Variants in MLC1 observed in about 807,000 individuals in gnomAD.
MLC1 encodes the protein membrane protein MLC1.
In MLC1, 32 loss-of-function variants were observed where a neutral mutation model predicts 44.7. That is an observed-to-expected ratio of 0.72 (90% CI 0.54 to 0.96). The LOEUF (loss-of-function observed/expected upper bound fraction) is 0.96. MLC1 is among the 40% of genes least tolerant of loss of function. The pLI, the probability that MLC1 is intolerant of heterozygous loss-of-function variation, is 0.00. For missense variants in MLC1, 459 were observed against 492.2 expected, an observed-to-expected ratio of 0.93 and a Z score of 0.64; for synonymous variants, 190 against 213.0, an observed-to-expected ratio of 0.89 and a Z score of 0.94.
Position 50,083,283 on chromosome 22 carries a change from C to T in MLC1, c.178-110G>A, listed in dbSNP as rs1219560601. ...TGTGTATTGGTGACTCACCCACGTC[C>T]CCCAGCATCAACCACACCCGCACCT... On this transcript the variant is annotated intron_variant, in intron 2 of 11. Coordinates refer to ENST00000311597, the MANE Select transcript of MLC1 (RefSeq NM_015166.4). This position sits in a 1 kb window ranked among gnomAD's most constrained non-coding sequence, Gnocchi z 4.6. 7.1e-6 allele frequency: 7 copies of T among 987,610 alleles called. No homozygotes were observed. Among genetic ancestry groups the T allele is most frequent in the East Asian group, 2.6e-5 (1 of 39,168 alleles). 61.2% of individuals were successfully genotyped at this position (987,610 alleles called of 1,614,324 possible).
At chr22:50,081,456 A>G (rs993810441) in intron 3 of MLC1, among the ~76,000 whole-genome samples, 69 of 152,270 alleles carry the variant, frequency 4.5e-4, no homozygotes, top group Non-Finnish European at 7.1e-4. Context: ...TCTTGTCCTC[A>G]GCCTTCTTGT....
intron 11 of MLC1, among the ~76,000 whole-genome samples, chr22:50,063,576 G>A (rs1052406266): frequency 1.1e-4 from 16 of 151,860 alleles, no homozygotes; most frequent in East Asian, 3.9e-4. Flanking sequence ...CGAGGGCCAC[G>A]TCGTGTGGCC....
intron 2 of MLC1, 94 bp downstream of exon 2, chr22:50,084,632 C>T (rs2062234836): frequency 1.4e-6 from 2 of 1,387,404 alleles, no homozygotes; most frequent in Non-Finnish European, 1.0e-6. Flanking sequence ...GAGTTGCTCT[C>T]TCTGTCCCAC....
rs1287488892 is a variant in MLC1, at chr22:50,068,423, T to C, written c.894+10A>G. 3 of 1,613,032 alleles carry C rather than the reference T, an allele frequency of 1.9e-6. No homozygotes were observed. The highest frequency in any genetic ancestry group is 2.2e-5 in the South Asian group (2 of 91,054). On this transcript the variant is annotated intron_variant, in intron 10 of 11. Coordinates refer to ENST00000311597, the MANE Select transcript of MLC1 (RefSeq NM_015166.4). Reference sequence around the variant, plus strand: ...ATGTCTGGGGGGCTCTGAAATAAAATACAACTCACTTTTATGGCTGGCGGG... The same window carrying C: ...ATGTCTGGGGGGCTCTGAAATAAAACACAACTCACTTTTATGGCTGGCGGG...
At chr22:50,077,901 C>T (rs577032683) in intron 5 of MLC1, among the ~76,000 whole-genome samples, 27 of 152,224 alleles carry the variant, frequency 1.8e-4, no homozygotes, top group Non-Finnish European at 3.5e-4. Flanking sequence ...CGACTGCAGG[C>T]CCTGACCGTA....
intron 8 of MLC1, among the ~76,000 whole-genome samples, chr22:50,072,202 C>G (rs1177682796): frequency 6.6e-6 from 1 of 152,234 alleles, no homozygotes; most frequent in Non-Finnish European, 1.5e-5. Context: ...GTTCACCCAG[C>G]ATGGCCACTC....
chr22:50,067,162 G>GA (rs2061719402), intron 10 of MLC1, among the ~76,000 whole-genome samples: 1 of 152,140 alleles, frequency 6.6e-6, no homozygotes, highest in African/African-American at 2.4e-5. Context: ...TGGAGTAGGA[G>GA]TGGGTGAAGC....
Position 50,068,549 on chromosome 22 carries a change from C to T in MLC1, c.778G>A (p.Val260Ile), listed in dbSNP as rs143061714. The change falls in exon 10 of 12, where the codon GTC becomes ATC. Residue 260 changes from valine (V) to isoleucine (I), a missense_variant. By Grantham distance (29) the Val-to-Ile change is conservative. Coordinates refer to ENST00000311597, the MANE Select transcript of MLC1 (RefSeq NM_015166.4). ...GTGAGGCTGCTTATGGCAATCAGGA[C>T]CTCCACCTGGAAAAAAAGCGCGGGT... ...AECPSKCLVE[V>I]LIAISSLTSP... The T allele has an allele frequency of 1.2e-6, 2 of 1,613,262 alleles. No individual in the cohort carries two copies. The highest frequency in any genetic ancestry group is 8.5e-7 in the Non-Finnish European group (1 of 1,179,546).
chr22:50,079,851 G>T, intron 5 of MLC1, 67 bp downstream of exon 5: 1 of 1,149,186 alleles, frequency 8.7e-7, no homozygotes, highest in African/African-American at 1.5e-5. Context: ...ACAAACATTT[G>T]CTGACACCAT....
At chr22:50,074,448 T>G in intron 7 of MLC1, 116 bp from the exon 8 acceptor site, 1 of 949,974 alleles carries the variant, frequency 1.1e-6, no homozygotes, top group Non-Finnish European at 1.7e-6. Flanking sequence ...TGGCCCCAGA[T>G]CTAACCGTGG....
At chr22:50,061,743 A>G in intron 11 of MLC1, 86 bp from the exon 12 acceptor site, 1 of 1,258,992 alleles carries the variant, frequency 7.9e-7, no homozygotes, top group Non-Finnish European at 1.2e-6. Context: ...ACAGGCAGCG[A>G]GCAGCCAGCG....
At chr22:50,068,248 G>A (rs978146317) in intron 10 of MLC1, among the ~76,000 whole-genome samples, 185 bp downstream of exon 10, 8 of 152,224 alleles carry the variant, frequency 5.3e-5, no homozygotes, top group Admixed American at 3.9e-4. Flanking sequence ...TCGAGGCCCC[G>A]AGGCCCTGGG....
At chr22:50,082,326 G>A (rs756441801) in intron 3 of MLC1, among the ~76,000 whole-genome samples, 87 of 152,372 alleles carry the variant, frequency 5.7e-4, no homozygotes, top group African/African-American at 1.9e-3. Flanking sequence ...CTGCCGGGAC[G>A]CTGGGGAGGC....
At chr22:50,081,029 G>GAAAGAAAGAAAGAAAGAAAGAAAGAAAT (rs1569250852) in intron 3 of MLC1, among the ~76,000 whole-genome samples, 1 of 145,956 alleles carries the variant, frequency 6.9e-6, no homozygotes, top group African/African-American at 2.7e-5. Context: ...AAGAAAGAAA[G>GAAAGAAAGAAAGAAAGAAAGAAAGAAAT]AAAGAAAGAA....
At chr22:50,069,041 T>C (rs1256405225) in intron 9 of MLC1, among the ~76,000 whole-genome samples, 1 of 149,030 alleles carries the variant, frequency 6.7e-6, no homozygotes, top group East Asian at 2.0e-4. Context: ...TTTCTTTCTT[T>C]TTTGAGAGGC....
At chr22:50,064,946 C>T (rs186009726) in intron 10 of MLC1, among the ~76,000 whole-genome samples, 61 of 148,226 alleles carry the variant, frequency 4.1e-4, no homozygotes, top group Non-Finnish European at 7.4e-4. Context: ...CTTTTTTTTG[C>T]GACAGTCTCC....
chr22:50,080,070 AAG>A, intron 4 of MLC1, 51 bp from the exon 5 acceptor site: 1 of 1,417,420 alleles, frequency 7.1e-7, no homozygotes, highest in African/African-American at 1.4e-5. Context: ...TAAAAGAAAA[AAG>A]GTAACAGATA....
intron 2 of MLC1, among the ~76,000 whole-genome samples, chr22:50,084,299 C>T (rs573231296): frequency 4.6e-5 from 7 of 152,272 alleles, no homozygotes; most frequent in South Asian, 2.1e-4. Flanking sequence ...CCCTCCCAGC[C>T]GGCCCCTGAG....
intron 6 of MLC1, 129 bp downstream of exon 6, chr22:50,077,272 A>C: frequency 2.3e-6 from 2 of 852,892 alleles, no homozygotes; most frequent in Non-Finnish European, 3.8e-6. Flanking sequence ...CCCAGGAGAG[A>C]GGGGTCTCAT....
Sources: gnomAD v4.1 joint callset for allele counts (sites outside exome capture counted in the v4.1 genomes callset) on GRCh38, gnomAD v4.1.1 for gene constraint, Gnocchi (gnomAD v3.1) non-coding constraint, MANE v1.5 for transcripts, NCBI Gene and HGNC (gene_info 2026-07-23, HGNC 2026-07-21) for gene names.